CEP83: variants seen among roughly 807,000 people sequenced by gnomAD.
CEP83 encodes centrosomal protein 83.
Under a neutral mutation model 101.9 loss-of-function variants are expected in CEP83, and 70 were observed. The ratio of observed to expected loss-of-function variants is 0.69; its 90% CI spans 0.57 to 0.84. The LOEUF (loss-of-function observed/expected upper bound fraction) is 0.84, where lower values mean the gene tolerates loss of function less well. Ranked by LOEUF, CEP83 falls within the 40% of genes least tolerant of loss-of-function variation. The pLI is 0.00. For synonymous variants in CEP83, 264 were observed against 267.9 expected (o/e 0.99, Z 0.14); for missense variants, 715 against 787.2 (o/e 0.91, Z 1.10).
downstream of CEP83, chr12:94,306,494 C>T (rs1969032124): frequency 1.3e-5 from 2 of 152,206 alleles, no homozygotes; most frequent in South Asian, 4.1e-4. Flanking sequence ...TGAATTTTTG[C>T]TGCTCATGAC....
chr12:94,414,372 T>C (rs1593855272), intron 2 of CEP83, among the ~76,000 whole-genome samples: 3 of 152,330 alleles, frequency 2.0e-5, no homozygotes, highest in East Asian at 3.9e-4. Context: ...CAAACTTCAC[T>C]GTTGTCTCAT....
At chr12:94,289,780 T>C in the CEP83 span, among the ~76,000 whole-genome samples, 3 of 152,182 alleles carry the variant, frequency 2.0e-5, no homozygotes, top group East Asian at 5.8e-4. Flanking sequence ...CGTGTTAAAG[T>C]GTCACATGGG....
chr12:94,359,733 A>G (rs1316239010), intron 11 of CEP83, among the ~76,000 whole-genome samples: 3 of 152,194 alleles, frequency 2.0e-5, no homozygotes, highest in African/African-American at 7.2e-5. Flanking sequence ...AATTCTTCTC[A>G]AACTATTCCA....
the CEP83 span, chr12:94,297,276 G>A: frequency 4.3e-6 from 7 of 1,613,060 alleles, no homozygotes; most frequent in Admixed American, 1.7e-5. Flanking sequence ...TGTAGCAAGA[G>A]TGGTCTCCTT....
At chr12:94,347,517 A>C (rs1006600277) in intron 11 of CEP83, among the ~76,000 whole-genome samples, 2 of 152,230 alleles carry the variant, frequency 1.3e-5, no homozygotes, top group African/African-American at 4.8e-5. Flanking sequence ...TATAAAATTA[A>C]ATATATACTT....
At chr12:94,397,185 T>C (rs1424972278) in intron 6 of CEP83, among the ~76,000 whole-genome samples, 1 of 152,138 alleles carries the variant, frequency 6.6e-6, no homozygotes, top group African/African-American at 2.4e-5. Context: ...CTTAAGACTA[T>C]CATAAAACAT....
At chr12:94,434,623 A>C (rs927922485) in intron 2 of CEP83, among the ~76,000 whole-genome samples, 1 of 152,226 alleles carries the variant, frequency 6.6e-6, no homozygotes, top group African/African-American at 2.4e-5. Context: ...TACAAGTTGA[A>C]TATCCCTTAT....
chr12:94,458,719 CAG>C (rs2067900471), intron 1 of CEP83, among the ~76,000 whole-genome samples: 1 of 152,182 alleles, frequency 6.6e-6, no homozygotes, highest in Admixed American at 6.5e-5. Context: ...GCCTGGGCGA[CAG>C]AGTGAGACTC....
At chr12:94,441,740 C>T (rs2066415022) in intron 1 of CEP83, among the ~76,000 whole-genome samples, 1 of 151,828 alleles carries the variant, frequency 6.6e-6, no homozygotes, top group Non-Finnish European at 1.5e-5. Context: ...ATGGTAAAAC[C>T]CCGTCTCTAC....
chr12:94,446,400 C>T (rs2066804640), intron 1 of CEP83, among the ~76,000 whole-genome samples: 1 of 152,030 alleles, frequency 6.6e-6, no homozygotes. Context: ...AGTCAGTTTC[C>T]AAGAACCTAT....
At chr12:94,414,563 A>G (rs1455913851) in intron 2 of CEP83, among the ~76,000 whole-genome samples, 1 of 152,250 alleles carries the variant, frequency 6.6e-6, no homozygotes, top group Non-Finnish European at 1.5e-5. Flanking sequence ...TTTTAAAGAC[A>G]TAATTATATT....
At chr12:94,283,064 A>G in the CEP83 span, among the ~76,000 whole-genome samples, 4 of 152,188 alleles carry the variant, frequency 2.6e-5, no homozygotes, top group Non-Finnish European at 4.4e-5. Flanking sequence ...TTTGTTGAAT[A>G]TCCACTCTGA....
At chr12:94,403,766 T>C (rs76932261) in intron 4 of CEP83, among the ~76,000 whole-genome samples, 13,550 of 152,014 alleles carry the variant, frequency 0.089, 739 homozygotes, top group Middle Eastern at 0.12. Flanking sequence ...GTAAGTCCCA[T>C]GTGGGAAAAC....
chr12:94,368,402 C>A, intron 9 of CEP83: 1 of 530,612 alleles, frequency 1.9e-6, no homozygotes. Context: ...AGCAAATTTT[C>A]CTGTCACTGT....
chr12:94,415,913 T>C (rs1049178045), intron 2 of CEP83, among the ~76,000 whole-genome samples: 1 of 152,092 alleles, frequency 6.6e-6, no homozygotes, highest in Non-Finnish European at 1.5e-5. Flanking sequence ...CTCACAAGTA[T>C]ACACATAACA....
chr12:94,339,699 G>A (rs1403704222), intron 11 of CEP83, among the ~76,000 whole-genome samples: 2 of 152,212 alleles, frequency 1.3e-5, no homozygotes, highest in Non-Finnish European at 2.9e-5. Flanking sequence ...CAAGTCTCAT[G>A]AGAATGGCAG....
intron 5 of CEP83, 154 bp from the exon 6 acceptor site, chr12:94,401,135 G>C (rs1488737566): frequency 2.9e-6 from 1 of 346,484 alleles, no homozygotes; most frequent in Admixed American, 4.7e-5. Context: ...AATTTGGAAA[G>C]GTCTTCATAA....
intron 6 of CEP83, 148 bp from the exon 7 acceptor site, chr12:94,379,190 ACTAT>A (rs1232232053): frequency 3.0e-6 from 2 of 677,584 alleles, no homozygotes; most frequent in Non-Finnish European, 4.9e-6. Context: ...TTTAAGTATC[ACTAT>A]CTTTTTGTTC....
At chr12:94,411,666 A>T in intron 4 of CEP83, 31 bp downstream of exon 4, 1 of 1,552,296 alleles carries the variant, frequency 6.4e-7, no homozygotes, top group Non-Finnish European at 8.8e-7. Flanking sequence ...CTGCTTTTAT[A>T]CTAACTCAAA....
Sources: gnomAD v4.1 joint callset for allele counts (sites outside exome capture counted in the v4.1 genomes callset) on GRCh38, gnomAD v4.1.1 for gene constraint, MANE v1.5 for transcripts, NCBI Gene and HGNC (gene_info 2026-07-23, HGNC 2026-07-21) for gene names.